Variants in WDR91 observed in about 807,000 individuals in gnomAD.
WDR91 encodes the protein WD repeat-containing protein 91.
WDR91 carries 52 observed loss-of-function variants against 88.4 expected under a neutral mutation model. The ratio of observed to expected loss-of-function variants is 0.59; its 90% CI spans 0.47 to 0.74. WDR91 has a LOEUF of 0.74. WDR91 is among the 30% of genes least tolerant of loss of function. WDR91 has a pLI of 0.00. For synonymous variants in WDR91, 362 were observed against 389.5 expected (o/e 0.93, Z 0.83); for missense variants, 824 against 954.5 (o/e 0.86, Z 1.80).
chr7:135,207,425 G>A lies in WDR91; in HGVS notation c.512-223C>T, dbSNP rs116240746. 2,933 of 538,958 alleles carry A rather than the reference G, an allele frequency of 5.4e-3. 63 individuals are homozygous for A. Among genetic ancestry groups the A allele is most frequent in the African/African-American group, 0.048 (2,552 of 53,084 alleles). The allele number at this position is 538,958 out of a possible 1,614,324, so 33.4% of individuals were successfully genotyped here. On this transcript the variant is annotated intron_variant, in intron 3 of 14. Coordinates refer to ENST00000354475, the MANE Select transcript of WDR91 (RefSeq NM_014149.4). ...ATTTCATTCGGACAGATTCACAGAC[G>A]CATGACCATCTGCCTGGCCAGCCCA...
At chr7:135,199,645 C>A in intron 6 of WDR91, 1 of 152,316 alleles carries the variant, frequency 6.6e-6, no homozygotes. Context: ...GTGCCGCTTC[C>A]ACATTTTGTG....
intron 13 of WDR91, 22 bp downstream of exon 13, chr7:135,188,410 AT>A (rs1562944415): frequency 1.2e-6 from 2 of 1,605,694 alleles, no homozygotes; most frequent in African/African-American, 2.7e-5. Flanking sequence ...GTGCTCTCTT[AT>A]CTGAATCCTG....
Position 135,195,064 on chromosome 7 carries a change from C to G in WDR91, c.1265G>C (p.Arg422Thr), listed in dbSNP as rs538063823. 34 of 1,613,684 alleles carry G rather than the reference C, an allele frequency of 2.1e-5. No homozygotes were observed. The highest frequency in any genetic ancestry group is 2.4e-5 in the Non-Finnish European group (28 of 1,179,916). The stretch of plus-strand genomic sequence containing the variant: ...CCCATCTACGTCTAAGCTGGCGACT[C>G]TCCTCCCAGAGCAGTCCACTCTGAG... ...MHCRVDCSGR[R>T]VASLDVDGVI... Residue 422 changes from arginine (R) to threonine (T), a missense_variant, in exon 9 of 15, where the codon AGA becomes ACA. Coordinates refer to ENST00000354475, the MANE Select transcript of WDR91 (RefSeq NM_014149.4).
intron 9 of WDR91, among the ~76,000 whole-genome samples, chr7:135,194,295 C>T (rs577641104): frequency 6.6e-6 from 1 of 152,342 alleles, no homozygotes; most frequent in East Asian, 1.9e-4. Context: ...TCGGCATTCA[C>T]TTGGCAAACT....
chr7:135,209,529 A>G (rs774205530), intron 2 of WDR91, 47 bp downstream of exon 2: 29 of 1,479,638 alleles, frequency 2.0e-5, no homozygotes, highest in Admixed American at 2.4e-5. Context: ...TTGGGATCAA[A>G]GAGCTCCTTC....
Position 135,211,523 on chromosome 7 carries a change from G to A in WDR91, c.-21C>T, listed in dbSNP as rs543788789. On this transcript the variant is annotated 5_prime_UTR_variant, in exon 1 of 15. Coordinates refer to ENST00000354475, the MANE Select transcript of WDR91 (RefSeq NM_014149.4). ...GCCATCGCAGCGCTAGCGTCTTTAG[G>A]GGTGGTGCGGTGAGGGACGGAGGGG... The A allele has an allele frequency of 6.6e-5, 106 of 1,609,162 alleles. No individual in the cohort carries two copies. In the African/African-American group the frequency reaches 1.3e-3, roughly 20 times the overall value.
At chr7:135,198,474 C>T (rs948314125) in intron 6 of WDR91, 26 of 276,120 alleles carry the variant, frequency 9.4e-5, no homozygotes, top group Middle Eastern at 2.1e-3. Flanking sequence ...TAAGTGATGA[C>T]TAAGGCAGGC....
Position 135,205,918 on chromosome 7 carries a change from A to G in WDR91, c.725+10T>C, listed in dbSNP as rs1156579072. Reference sequence around the variant, plus strand: ...GCAAAGAAAAGGAAAGGGCCGTCACACACACTCACAGTTCCGAGTCCCCCA... The same window carrying G: ...GCAAAGAAAAGGAAAGGGCCGTCACGCACACTCACAGTTCCGAGTCCCCCA... On this transcript the variant is annotated intron_variant, in intron 5 of 14. Coordinates refer to ENST00000354475, the MANE Select transcript of WDR91 (RefSeq NM_014149.4). 1 of 1,612,988 alleles carries G rather than the reference A, an allele frequency of 6.2e-7. No homozygotes were observed.
rs1437382928 is a variant in WDR91, at chr7:135,187,034, C to A, written c.2017G>T (p.Ala673Ser). 1.9e-6 allele frequency: 3 copies of A among 1,614,096 alleles called. No individual in the cohort carries two copies. The highest frequency in any genetic ancestry group is 1.3e-5 in the African/African-American group (1 of 74,938). ...ATGTAATTTCCCTCCGAGTCAAAAGCGAAGAGTCGGCCCCTGGGGACTTGA... is the reference window on the plus strand; with the variant it reads ...ATGTAATTTCCCTCCGAGTCAAAAGAGAAGAGTCGGCCCCTGGGGACTTGA... ...QVQVPRGRLF[A>S]FDSEGNYMLT... Residue 673 changes from alanine to serine, a missense_variant, in exon 14 of 15, where the codon GCT (alanine) becomes TCT (serine). Transcript: ENST00000354475.
Position 135,194,969 on chromosome 7 carries a change from G to A in WDR91, c.1360C>T (p.Leu454=), listed in dbSNP as rs201718417. Residue 454 remains leucine, a synonymous_variant, in exon 9 of 15, where the codon CTG becomes TTG. Transcript: ENST00000354475. ...CGTTTGGTGGCCCATTCCAAAGACA[G>A]CAGCGGTGATTTGGAAATGGAGGAT... ...KASSISKSPL[L]SLEWATKRDR... The A allele has an allele frequency of 4.3e-6, 7 of 1,614,180 alleles. No individual in the cohort carries two copies. In the Admixed American group the frequency reaches 1.0e-4, roughly 23 times the overall value.
chr7:135,206,501 A>G (rs1831790385), intron 4 of WDR91, among the ~76,000 whole-genome samples: 1 of 152,024 alleles, frequency 6.6e-6, no homozygotes, highest in Non-Finnish European at 1.5e-5. Context: ...AATCCCAAGA[A>G]TCTTAAACCC....
chr7:135,189,061 C>G (rs1370908353), intron 12 of WDR91, among the ~76,000 whole-genome samples: 2 of 152,186 alleles, frequency 1.3e-5, no homozygotes, highest in African/African-American at 4.8e-5. Context: ...CTTGTATGCC[C>G]TCCTGTATTT....
Position 135,196,048 on chromosome 7 carries a change from C to T in WDR91, c.1244+96G>A. 1.6e-6 allele frequency: 2 copies of T among 1,265,330 alleles called. No individual in the cohort carries two copies. The highest frequency in any genetic ancestry group is 1.5e-5 in the African/African-American group (1 of 65,188). The allele number at this position is 1,265,330 out of a possible 1,614,324, so 78.4% of individuals were successfully genotyped here. A position where few individuals can be genotyped will look rare whatever the true frequency, so the allele number is the denominator to read the frequency against. On this transcript the variant is annotated intron_variant, in intron 8 of 14. Transcript: ENST00000354475. The surrounding 1 kb of genome is among the most constrained non-coding windows in gnomAD (Gnocchi z 4.2). The stretch of plus-strand genomic sequence containing the variant: ...CCATGACTGTGGCCCTCGTCCAAGC[C>T]CCCATTCTCCGCCATCTCCTGCTGG...
Position 135,208,891 on chromosome 7 carries a change from C to G in WDR91, c.411G>C (p.Pro137=). ...DWFVLPFLPS[P]DTNPTFATYF... Reference sequence around the variant, plus strand: ...AGGTAGCAAAGGTGGGGTTGGTGTCCGGGGATGGCAGGAAGGGCAGGACAA... The same window carrying G: ...AGGTAGCAAAGGTGGGGTTGGTGTCGGGGGATGGCAGGAAGGGCAGGACAA... The change falls in exon 3 of 15, where the codon CCG becomes CCC. Residue 137 remains proline, a synonymous_variant. Transcript: ENST00000354475. 6.2e-7 allele frequency: 1 copy of G among 1,614,108 alleles called. No homozygotes were observed. Among genetic ancestry groups the G allele is most frequent in the Non-Finnish European group, 8.5e-7 (1 of 1,180,012 alleles).
intron 11 of WDR91, among the ~76,000 whole-genome samples, chr7:135,191,624 A>AAG (rs72143557): frequency 6.6e-6 from 1 of 151,280 alleles, no homozygotes; most frequent in Non-Finnish European, 1.5e-5. Flanking sequence ...AAAAAAAAAA[A>AAG]AGTAAGGCAA....
rs961998976 is a variant in WDR91 at position 135,185,476 on chromosome 7, G to A, written c.*675C>T. On this transcript the variant is annotated 3_prime_UTR_variant, in exon 15 of 15. Coordinates refer to ENST00000354475, the MANE Select transcript of WDR91 (RefSeq NM_014149.4). ...TCTTGGGAAACAGCAGCCACTGGAT[G>A]GAAAGGGGCAGCCAGTAGCAGAGGC... 1.3e-5 allele frequency: 2 copies of A among 152,230 alleles called. No homozygotes were observed. Among genetic ancestry groups the A allele is most frequent in the Admixed American group, 6.5e-5 (1 of 15,288 alleles). The allele number at this position is 152,230 out of a possible 1,614,324, so 9.4% of individuals were successfully genotyped here.
intron 3 of WDR91, among the ~76,000 whole-genome samples, 154 bp downstream of exon 3, chr7:135,208,637 A>C (rs1215454212): frequency 1.3e-5 from 2 of 152,206 alleles, no homozygotes; most frequent in East Asian, 3.8e-4. Context: ...TGACAAAAAC[A>C]ACCACAATTT....
In WDR91 at chr7:135,208,980, C is replaced by T. The variant is rs750009095; in HGVS notation, c.322G>A (p.Ala108Thr). The change falls in exon 3 of 15, where the codon GCT becomes ACT. Residue 108 changes from alanine (A) to threonine (T), a missense_variant. Physicochemically the swap from Ala to Thr is moderately conservative, Grantham distance 58. Transcript: ENST00000354475. Reference protein sequence around the residue: ...YTIQTNRNDKAQEFFAKQATE... With the variant: ...YTIQTNRNDKTQEFFAKQATE... ...GCCTGCTTTGCAAAGAACTCCTGAG[C>T]CTTGTCATTTCTGTTTGTCTGCCAA... 13 of 1,613,726 alleles carry T rather than the reference C, an allele frequency of 8.1e-6. No homozygotes were observed. Among genetic ancestry groups the T allele is most frequent in the Middle Eastern group, 1.6e-4 (1 of 6,078 alleles).
chr7:135,209,102 A>T, intron 2 of WDR91, 104 bp from the exon 3 acceptor site: 1 of 911,666 alleles, frequency 1.1e-6, no homozygotes, highest in Admixed American at 3.0e-5. Flanking sequence ...TCAGCCTGCC[A>T]GGTAAGTGGC....
Sources: gnomAD v4.1 joint callset for allele counts (sites outside exome capture counted in the v4.1 genomes callset) on GRCh38, gnomAD v4.1.1 for gene constraint, Gnocchi (gnomAD v3.1) non-coding constraint, MANE v1.5 for transcripts, NCBI Gene and HGNC (gene_info 2026-07-23, HGNC 2026-07-21) for gene names.